RNF214: variants seen among roughly 807,000 people sequenced by gnomAD.
RNF214 encodes the protein ring finger protein 214.
In RNF214, 25 loss-of-function variants were observed where a neutral mutation model predicts 75.9. The observed-to-expected ratio is 0.33, with a 90% CI of 0.24 to 0.46. The LOEUF (loss-of-function observed/expected upper bound fraction) is 0.46. RNF214 is among the 20% of genes least tolerant of loss of function. The probability of loss-of-function intolerance (pLI) is 1.00; values close to 1 mark genes in which losing one functional copy is unlikely to be tolerated. For missense variants in RNF214, 725 were observed against 857.5 expected (o/e 0.85, Z 1.93); for synonymous variants, 314 against 308.8 (o/e 1.02, Z -0.18).
chr11:117,261,351 G>A (rs1238676550), intron 6 of RNF214, among the ~76,000 whole-genome samples: 3 of 152,130 alleles, frequency 2.0e-5, no homozygotes, highest in South Asian at 2.1e-4. Flanking sequence ...AGGCCGAGGC[G>A]GGTGGATTAC....
chr11:117,274,356 C>CTTTTTTTTTT (rs11461326), intron 6 of RNF214, among the ~76,000 whole-genome samples: 4 of 79,476 alleles, frequency 5.0e-5, no homozygotes, highest in Non-Finnish European at 9.0e-5. Context: ...CAAATGACTT[C>CTTTTTTTTTT]TTTTTTTTTT....
At chr11:117,253,143 G>T (rs1157130236) in intron 6 of RNF214, among the ~76,000 whole-genome samples, 2 of 152,166 alleles carry the variant, frequency 1.3e-5, no homozygotes, top group African/African-American at 4.8e-5. Flanking sequence ...TTCCCAAGTA[G>T]CTGGGACTAC....
At chr11:117,239,164 AG>A in intron 3 of RNF214, 53 bp downstream of exon 3, 1 of 1,167,932 alleles carries the variant, frequency 8.6e-7, no homozygotes, top group Non-Finnish European at 1.2e-6. Context: ...GGTGGGGTTC[AG>A]GGTGGGAGAT....
At chr11:117,256,908 AAAT>A (rs1454280271) in intron 6 of RNF214, among the ~76,000 whole-genome samples, 4 of 152,196 alleles carry the variant, frequency 2.6e-5, no homozygotes, top group Non-Finnish European at 4.4e-5. Context: ...TAGATACGGG[AAAT>A]AATAAAAGTT....
rs553130670 is a variant in RNF214 at position 117,254,679 on chromosome 11, A to G, written c.959+7731A>G. On this transcript the variant is annotated intron_variant, in intron 6 of 14. Coordinates refer to ENST00000300650, the MANE Select transcript of RNF214 (RefSeq NM_207343.4). ...CGCTCTGTCACCCAGGCTGGAGTCC[A>G]GTGGCACGATCTCAGCTCACTGCAA... Among the ~76,000 whole-genome samples, 3 of 151,358 alleles carry G rather than the reference A, an allele frequency of 2.0e-5. No homozygotes were observed. The South Asian group carries it at 6.3e-4, about 32-fold the overall frequency.
chr11:117,268,259 T>C (rs1315521626), intron 6 of RNF214, among the ~76,000 whole-genome samples: 2 of 152,236 alleles, frequency 1.3e-5, no homozygotes. Flanking sequence ...CAAGGTGCTC[T>C]TCAGAGTTAG....
In RNF214 at chr11:117,280,828, G is replaced by T. The variant is rs138261622; in HGVS notation, c.1146-486G>T. 1.4e-3 allele frequency among the ~76,000 whole-genome samples: 208 copies of T among 152,186 alleles called. 1 individual carries two copies. The highest frequency in any genetic ancestry group is 4.6e-3 in the African/African-American group (192 of 41,512). The stretch of plus-strand genomic sequence containing the variant: ...GACAAGAACCCTCTCTCTGTTGTTG[G>T]TTCTCTTTCTCAATTACTTAAAAGA... On this transcript the variant is annotated intron_variant, in intron 8 of 14. Coordinates refer to ENST00000300650, the MANE Select transcript of RNF214 (RefSeq NM_207343.4).
chr11:117,239,369 T>A (rs1377899442), intron 3 of RNF214: 1 of 524,302 alleles, frequency 1.9e-6, no homozygotes, highest in African/African-American at 1.9e-5. Flanking sequence ...TCTCTTTCAC[T>A]GAGTAACTGA....
At chr11:117,268,027 T>G (rs1330985404) in intron 6 of RNF214, among the ~76,000 whole-genome samples, 1 of 152,210 alleles carries the variant, frequency 6.6e-6, no homozygotes, top group Non-Finnish European at 1.5e-5. Context: ...TACTCCCTTA[T>G]GTAGGTAGCC....
At chr11:117,258,414 TTTTC>T (rs1286416463) in intron 6 of RNF214, among the ~76,000 whole-genome samples, 2 of 151,954 alleles carry the variant, frequency 1.3e-5, no homozygotes, top group African/African-American at 4.8e-5. Context: ...AGGTCTTATT[TTTTC>T]TTTCTTTTTT....
intron 14 of RNF214, among the ~76,000 whole-genome samples, chr11:117,283,505 C>T (rs547414478): frequency 6.6e-6 from 1 of 151,934 alleles, no homozygotes; most frequent in Non-Finnish European, 1.5e-5. Context: ...GGACTACAGG[C>T]GCCTGCCAAC....
intron 4 of RNF214, among the ~76,000 whole-genome samples, chr11:117,241,630 A>G (rs530497570): frequency 1.3e-5 from 2 of 152,022 alleles, no homozygotes; most frequent in South Asian, 2.1e-4. Flanking sequence ...GCTTTATGGA[A>G]TAAATCCAGT....
Position 117,285,209 on chromosome 11 carries a change from C to A in RNF214, c.*58C>A. ...CTGATGTGAACAGGAAGCGCGGGTT[C>A]AAGATTTCTAAAACTCTATATTTAT... On this transcript the variant is annotated 3_prime_UTR_variant, in exon 15 of 15. Transcript: ENST00000300650. 8.5e-7 allele frequency: 1 copy of A among 1,181,890 alleles called. No homozygotes were observed. The highest frequency in any genetic ancestry group is 1.3e-6 in the Non-Finnish European group (1 of 788,390). 73.2% of individuals were successfully genotyped at this position (1,181,890 alleles called of 1,614,324 possible). A position where few individuals can be genotyped will look rare whatever the true frequency, so the allele number is the denominator to read the frequency against.
At position 117,251,316 on chromosome 11, in the gene RNF214, AGT is replaced by A. The variant is rs2033379065; in HGVS notation, c.959+4369_959+4370del. Among the ~76,000 whole-genome samples the A allele has an allele frequency of 5.9e-5, 6 of 102,432 alleles. 2 individuals are homozygous for A. Among genetic ancestry groups the A allele is most frequent in the Admixed American group, 9.6e-5 (1 of 10,382 alleles). 67.2% of individuals were successfully genotyped at this position (102,432 alleles called of 152,430 possible). A position where few individuals can be genotyped will look rare whatever the true frequency, so the allele number is the denominator to read the frequency against. On this transcript the variant is annotated intron_variant, in intron 6 of 14. Transcript: ENST00000300650. ...CGGGCAGAGGGGCTCCTCACTTCCC[AGT>A]AGGGGCGGCCGGGCAGAGGCGCCCC...
Position 117,259,017 on chromosome 11 carries a change from C to CATG in RNF214, c.959+12072_959+12074dup, listed in dbSNP as rs200319345. On this transcript the variant is annotated intron_variant, in intron 6 of 14. Coordinates refer to ENST00000300650, the MANE Select transcript of RNF214 (RefSeq NM_207343.4). ...TGTCGTCCAAGCTGGAGTGCAGTGA[C>CATG]ATGATCTTGGTTCACTGCAACCTCC... Among the ~76,000 whole-genome samples the CATG allele has an allele frequency of 6.4e-3, 968 of 152,276 alleles. 11 individuals carry two copies. Among genetic ancestry groups the CATG allele is most frequent in the African/African-American group, 0.022 (927 of 41,550 alleles).
At position 117,239,785 on chromosome 11, in the gene RNF214, C is replaced by G; in HGVS notation, c.619-16C>G. On this transcript the variant is annotated splice_polypyrimidine_tract_variant and intron_variant, in intron 3 of 14. Transcript: ENST00000300650. The stretch of plus-strand genomic sequence containing the variant: ...TGTCTCTGAACGATTCTAAATATAA[C>G]TTTTTTCCTTTATAGACTGACTTTA... 6.9e-7 allele frequency: 1 copy of G among 1,443,308 alleles called. No homozygotes were observed. The highest frequency in any genetic ancestry group is 9.8e-7 in the Non-Finnish European group (1 of 1,025,234). 89.4% of individuals were successfully genotyped at this position (1,443,308 alleles called of 1,614,324 possible).
intron 2 of RNF214, among the ~76,000 whole-genome samples, chr11:117,237,030 T>C (rs1284159115): frequency 6.6e-6 from 1 of 152,166 alleles, no homozygotes; most frequent in African/African-American, 2.4e-5. Context: ...AATTTTTAAT[T>C]AAGCACCCGC....
chr11:117,255,808 T>C (rs562325181), intron 6 of RNF214, among the ~76,000 whole-genome samples: 1 of 152,352 alleles, frequency 6.6e-6, no homozygotes, highest in Admixed American at 6.5e-5. Context: ...CTAAACTTTC[T>C]TTGCTTCCTG....
intron 6 of RNF214, among the ~76,000 whole-genome samples, chr11:117,255,507 T>G (rs910962213): frequency 2.6e-5 from 4 of 152,066 alleles, no homozygotes; most frequent in Admixed American, 2.6e-4. Flanking sequence ...AATTTCTTGT[T>G]TTTATTCTTT....
Sources: gnomAD v4.1 joint callset for allele counts (sites outside exome capture counted in the v4.1 genomes callset) on GRCh38, gnomAD v4.1.1 for gene constraint, MANE v1.5 for transcripts, NCBI Gene and HGNC (gene_info 2026-07-23, HGNC 2026-07-21) for gene names.